DAB1: variants seen among roughly 807,000 people sequenced by gnomAD.
DAB1 encodes disabled homolog 1.
Under a neutral mutation model 64.6 loss-of-function variants are expected in DAB1, and 15 were observed. The ratio of observed to expected loss-of-function variants is 0.23; its 90% CI spans 0.16 to 0.36. The LOEUF is 0.36. DAB1 is among the 10% of genes least tolerant of loss of function. The pLI is 1.00. For synonymous variants in DAB1, 235 were observed against 251.9 expected, an observed-to-expected ratio of 0.93 and a Z score of 0.64; for missense variants, 596 against 706.7, an observed-to-expected ratio of 0.84 and a Z score of 1.78.
intron 1 of DAB1, among the ~76,000 whole-genome samples, chr1:57,333,457 T>G (rs1478514974): frequency 6.6e-6 from 1 of 152,278 alleles, no homozygotes; most frequent in Non-Finnish European, 1.5e-5. Context: ...TGTAGCCCCA[T>G]GCTGGGCACA....
intron 7 of DAB1, among the ~76,000 whole-genome samples, chr1:57,549,170 CT>C (rs1644887506): frequency 6.6e-6 from 1 of 152,106 alleles, no homozygotes. Flanking sequence ...TTCTACATCA[CT>C]TTTCTCAGAT....
intron 1 of DAB1, among the ~76,000 whole-genome samples, chr1:57,381,046 C>G (rs1388604238): frequency 6.6e-6 from 1 of 152,090 alleles, no homozygotes; most frequent in Non-Finnish European, 1.5e-5. Context: ...CTCATGTAAC[C>G]TGCTTATTGT....
In DAB1 at chr1:57,951,334, T is replaced by TATC. The variant is rs1219655257; in HGVS notation, n.388-67173_388-67172insGAT. Among the ~76,000 whole-genome samples, 239 of 63,786 alleles carry TATC rather than the reference T, an allele frequency of 3.7e-3. 19 individuals are homozygous for TATC. Among genetic ancestry groups the TATC allele is most frequent in the Non-Finnish European group, 7.2e-3 (197 of 27,274 alleles). 41.8% of individuals were successfully genotyped at this position (63,786 alleles called of 152,430 possible). ...GCCTGATTCATATATATATATATAC[T>TATC]TCCCTGGAAACTTAAATTAGCCCAA... On this transcript the variant is annotated intron_variant and non_coding_transcript_variant, in intron 5 of 20. Coordinates refer to the DAB1 transcript ENST00000485760.
At chr1:57,035,899 G>A (rs1490535392) in intron 9 of DAB1, among the ~76,000 whole-genome samples, 1 of 130,382 alleles carries the variant, frequency 7.7e-6, no homozygotes, top group African/African-American at 3.0e-5. Flanking sequence ...TTGGAGTGCA[G>A]TGGTACAATG....
intron 2 of DAB1, among the ~76,000 whole-genome samples, chr1:57,184,014 G>A (rs1252785923): frequency 6.6e-6 from 1 of 152,040 alleles, no homozygotes; most frequent in East Asian, 1.9e-4. Flanking sequence ...TCTAACTGGT[G>A]AGCTATAAAG....
intron 5 of DAB1, among the ~76,000 whole-genome samples, chr1:57,926,908 T>C (rs1203108001): frequency 6.6e-6 from 1 of 152,158 alleles, no homozygotes; most frequent in African/African-American, 2.4e-5. Flanking sequence ...GATAATATAG[T>C]TTCTCACAGA....
At chr1:58,152,999 C>A (rs1361748699) in intron 4 of DAB1, among the ~76,000 whole-genome samples, 4 of 152,156 alleles carry the variant, frequency 2.6e-5, no homozygotes, top group African/African-American at 4.8e-5. Context: ...TCTGAGTACT[C>A]TTCTAGAAAG....
At chr1:58,041,062 T>C (rs1412933256) in intron 5 of DAB1, among the ~76,000 whole-genome samples, 1 of 152,184 alleles carries the variant, frequency 6.6e-6, no homozygotes, top group Non-Finnish European at 1.5e-5. Context: ...TGCACATGCT[T>C]TGCTGCCTAT....
chr1:57,973,482 C>T (rs1345446189), intron 5 of DAB1, among the ~76,000 whole-genome samples: 1 of 152,208 alleles, frequency 6.6e-6, no homozygotes, highest in Non-Finnish European at 1.5e-5. Context: ...ATCTTCTAAA[C>T]ACATACTCTA....
chr1:57,149,522 C>T (rs1283689992), intron 2 of DAB1, among the ~76,000 whole-genome samples: 1 of 152,154 alleles, frequency 6.6e-6, no homozygotes, highest in Non-Finnish European at 1.5e-5. Flanking sequence ...TTACTTTAGC[C>T]ATCCTAGTAG....
chr1:58,152,881 C>A (rs879324841), intron 4 of DAB1, among the ~76,000 whole-genome samples: 1 of 152,106 alleles, frequency 6.6e-6, no homozygotes, highest in Admixed American at 6.6e-5. Flanking sequence ...GTACAGGTGA[C>A]GAAACAAGTG....
intron 6 of DAB1, among the ~76,000 whole-genome samples, chr1:57,716,950 A>G (rs1262799141): frequency 2.0e-5 from 3 of 152,176 alleles, no homozygotes; most frequent in African/African-American, 7.2e-5. Flanking sequence ...AAAAGAAGAC[A>G]TACAAATGGG....
chr1:57,654,658 T>G (rs1013563247), intron 6 of DAB1, among the ~76,000 whole-genome samples: 7 of 152,194 alleles, frequency 4.6e-5, no homozygotes, highest in African/African-American at 1.7e-4. Flanking sequence ...TCTTCTCTCA[T>G]TTTTTCTTAA....
chr1:57,570,512 CT>C (rs1413470009), intron 7 of DAB1, among the ~76,000 whole-genome samples: 1 of 152,036 alleles, frequency 6.6e-6, no homozygotes, highest in Non-Finnish European at 1.5e-5. Context: ...TCTGGGTTCT[CT>C]TTCTGTTCCA....
chr1:58,335,395 C>A (rs984390778), intron 4 of DAB1, among the ~76,000 whole-genome samples: 1 of 152,170 alleles, frequency 6.6e-6, no homozygotes, highest in Non-Finnish European at 1.5e-5. Context: ...AAAGTAAGCC[C>A]AGGAGAGTTC....
chr1:58,348,349 G>A (rs906784676), intron 3 of DAB1, among the ~76,000 whole-genome samples: 36 of 151,916 alleles, frequency 2.4e-4, no homozygotes, highest in Non-Finnish European at 4.0e-4. Flanking sequence ...CCAACAAACC[G>A]CAAGCCAGTA....
At chr1:57,133,992 G>A (rs943023694) in intron 4 of DAB1, among the ~76,000 whole-genome samples, 2 of 152,150 alleles carry the variant, frequency 1.3e-5, no homozygotes, top group Non-Finnish European at 2.9e-5. Flanking sequence ...ATGACTTTAA[G>A]AGAAAACATA....
chr1:57,780,020 A>G (rs1649990326), intron 6 of DAB1, among the ~76,000 whole-genome samples: 1 of 152,276 alleles, frequency 6.6e-6, no homozygotes, highest in Non-Finnish European at 1.5e-5. Flanking sequence ...AATAAGAAAA[A>G]GTCGTACTTA....
chr1:58,061,237 C>A (rs1276496142), intron 5 of DAB1, among the ~76,000 whole-genome samples: 1 of 152,202 alleles, frequency 6.6e-6, no homozygotes, highest in Non-Finnish European at 1.5e-5. Context: ...CTGAGCAAGT[C>A]GCTTAACCCC....
Sources: gnomAD v4.1 joint callset for allele counts (sites outside exome capture counted in the v4.1 genomes callset) on GRCh38, gnomAD v4.1.1 for gene constraint, MANE v1.5 for transcripts, NCBI Gene and HGNC (gene_info 2026-07-23, HGNC 2026-07-21) for gene names.